FHIT: variants seen among roughly 807,000 people sequenced by gnomAD.
FHIT encodes the protein bis(5'-adenosyl)-triphosphatase.
In FHIT, 19 loss-of-function variants were observed where a neutral mutation model predicts 17.9. The ratio of observed to expected loss-of-function variants is 1.06; its 90% CI spans 0.74 to 1.56. FHIT has a LOEUF of 1.56. FHIT is among the 40% of genes most tolerant of loss of function. The pLI is 0.00. For missense variants in FHIT, 248 were observed against 189.2 expected, an observed-to-expected ratio of 1.31 and a Z score of -1.82; for synonymous variants, 81 against 69.7, an observed-to-expected ratio of 1.16 and a Z score of -0.81.
At chr3:60,180,648 A>C (rs1701887978) in intron 5 of FHIT, among the ~76,000 whole-genome samples, 1 of 152,226 alleles carries the variant, frequency 6.6e-6, no homozygotes, top group Non-Finnish European at 1.5e-5. Flanking sequence ...ATTCTCTGTT[A>C]GAAAAACAGG....
chr3:60,373,797 C>T (rs888452561), intron 5 of FHIT, among the ~76,000 whole-genome samples: 2 of 152,110 alleles, frequency 1.3e-5, no homozygotes, highest in Admixed American at 6.5e-5. Context: ...CGCTCCTATT[C>T]CTATTTCAAA....
intron 4 of FHIT, among the ~76,000 whole-genome samples, chr3:60,601,049 G>T (rs1287011163): frequency 6.6e-6 from 1 of 152,140 alleles, no homozygotes; most frequent in Non-Finnish European, 1.5e-5. Flanking sequence ...GCAGAGGCTG[G>T]AAGGGTCCCC....
chr3:59,857,458 G>A (rs1702205727), intron 8 of FHIT, among the ~76,000 whole-genome samples: 1 of 152,088 alleles, frequency 6.6e-6, no homozygotes, highest in Admixed American at 6.5e-5. Context: ...ACCTTAGGCA[G>A]GGCTTGGAGT....
intron 3 of FHIT, among the ~76,000 whole-genome samples, chr3:60,914,199 C>T (rs1411404354): frequency 6.6e-6 from 1 of 152,064 alleles, no homozygotes; most frequent in Non-Finnish European, 1.5e-5. Context: ...ATGCGAGGTC[C>T]CATTGGGAGC....
intron 5 of FHIT, among the ~76,000 whole-genome samples, chr3:60,080,050 A>G (rs1703208662): frequency 6.6e-6 from 1 of 152,170 alleles, no homozygotes; most frequent in Admixed American, 6.6e-5. Flanking sequence ...ACAAATAAGT[A>G]ATTTTGAAAG....
In FHIT at chr3:60,000,973, T is replaced by G. The variant is rs1180741140; in HGVS notation, c.279+10398A>C. Among the ~76,000 whole-genome samples, 2 of 152,158 alleles carry G rather than the reference T, an allele frequency of 1.3e-5. 1 individual carries two copies. Among genetic ancestry groups the G allele is most frequent in the East Asian group, 3.9e-4 (2 of 5,178 alleles). ...CCTCTTCCCAGAATGGTCTTTCTTCTCCAGCTCTTCGCTGGCTAGGCGCCT... is the reference window on the plus strand; with the variant it reads ...CCTCTTCCCAGAATGGTCTTTCTTCGCCAGCTCTTCGCTGGCTAGGCGCCT... On this transcript the variant is annotated intron_variant, in intron 7 of 9. Transcript: ENST00000492590.
chr3:60,926,728 G>C (rs879990405), intron 3 of FHIT, among the ~76,000 whole-genome samples: 4 of 152,146 alleles, frequency 2.6e-5, no homozygotes, highest in Non-Finnish European at 5.9e-5. Context: ...AGGAGATAGA[G>C]ACACAAAAAA....
In FHIT at chr3:60,513,760, C is replaced by CT. The variant is rs1286602133; in HGVS notation, c.103+23099_103+23100insA. 6.0e-5 allele frequency among the ~76,000 whole-genome samples: 4 copies of CT among 66,908 alleles called. No individual in the cohort carries two copies. In the Admixed American group the frequency reaches 7.8e-4, roughly 13 times the overall value. 43.9% of individuals were successfully genotyped at this position (66,908 alleles called of 152,430 possible). A position where few individuals can be genotyped will look rare whatever the true frequency, so the allele number is the denominator to read the frequency against. ...TGAGGGTTCTACTCTCAAGCCTGGACCCATGGCCTTAAATGAGAATAGGCA... is the reference window on the plus strand; with the variant it reads ...TGAGGGTTCTACTCTCAAGCCTGGACTCCATGGCCTTAAATGAGAATAGGCA... On this transcript the variant is annotated intron_variant, in intron 5 of 9. Coordinates refer to ENST00000492590, the MANE Select transcript of FHIT (RefSeq NM_002012.4).
intron 5 of FHIT, among the ~76,000 whole-genome samples, chr3:60,129,645 T>C (rs1031804169): frequency 7.2e-5 from 11 of 152,194 alleles, no homozygotes; most frequent in Non-Finnish European, 1.6e-4. Flanking sequence ...TAAGTGAATT[T>C]ACTTTTTGTT....
At chr3:60,335,611 G>A (rs1255440947) in intron 5 of FHIT, among the ~76,000 whole-genome samples, 5 of 152,056 alleles carry the variant, frequency 3.3e-5, no homozygotes, top group Admixed American at 1.3e-4. Context: ...CTTGATACAG[G>A]GTTAGCCCAA....
chr3:60,509,631 C>A (rs2034868983), intron 5 of FHIT, among the ~76,000 whole-genome samples: 1 of 151,828 alleles, frequency 6.6e-6, no homozygotes, highest in African/African-American at 2.4e-5. Context: ...TTGCTATTCG[C>A]AAGTGACAGA....
At chr3:60,104,010 A>C (rs1003646377) in intron 5 of FHIT, among the ~76,000 whole-genome samples, 1 of 152,168 alleles carries the variant, frequency 6.6e-6, no homozygotes, top group African/African-American at 2.4e-5. Context: ...ATATGGGCTC[A>C]TATTTCTGTT....
chr3:60,804,391 T>A (rs951276211), intron 4 of FHIT, among the ~76,000 whole-genome samples: 9 of 152,220 alleles, frequency 5.9e-5, no homozygotes, highest in Non-Finnish European at 1.3e-4. Flanking sequence ...TTAGTTCAGA[T>A]GCTCTCAGGC....
intron 1 of FHIT, among the ~76,000 whole-genome samples, chr3:61,221,202 C>T (rs904674110): frequency 5.9e-5 from 9 of 152,214 alleles, no homozygotes; most frequent in African/African-American, 1.7e-4. Context: ...GCTAGTCTAA[C>T]CCCAGGGGGA....
At chr3:60,973,335 C>T (rs763302954) in intron 3 of FHIT, among the ~76,000 whole-genome samples, 2 of 152,120 alleles carry the variant, frequency 1.3e-5, no homozygotes, top group Non-Finnish European at 2.9e-5. Context: ...CTTTGAAAGC[C>T]CTGAACTCTG....
chr3:60,960,832 T>C (rs1709392180), intron 3 of FHIT, among the ~76,000 whole-genome samples: 2 of 152,236 alleles, frequency 1.3e-5, no homozygotes, highest in African/African-American at 2.4e-5. Flanking sequence ...CAGTCTATCA[T>C]TGTTGGACAT....
intron 2 of FHIT, among the ~76,000 whole-genome samples, chr3:61,197,021 A>G (rs2038871378): frequency 6.6e-6 from 1 of 152,192 alleles, no homozygotes; most frequent in Admixed American, 6.5e-5. Flanking sequence ...CTGGAAGCAC[A>G]AATGTGAATA....
chr3:60,332,220 A>G (rs1490203773), intron 5 of FHIT, among the ~76,000 whole-genome samples: 2 of 152,234 alleles, frequency 1.3e-5, no homozygotes, highest in African/African-American at 2.4e-5. Flanking sequence ...AGAGGTTAAG[A>G]AAATTTTCTA....
At chr3:60,195,573 AAT>A (rs369976357) in intron 5 of FHIT, among the ~76,000 whole-genome samples, 2 of 103,440 alleles carry the variant, frequency 1.9e-5, no homozygotes, top group Admixed American at 1.1e-4. Context: ...ATATTTATAT[AAT>A]TATATTTATA....
Sources: allele counts gnomAD v4.1 joint callset (sites outside exome capture counted in the v4.1 genomes callset), GRCh38; gene constraint gnomAD v4.1.1; transcripts MANE v1.5; gene names NCBI Gene and HGNC (gene_info 2026-07-23, HGNC 2026-07-21).